CCSER1: variants seen among roughly 807,000 people sequenced by gnomAD.
CCSER1 encodes coiled-coil serine rich protein 1.
CCSER1 carries 41 observed loss-of-function variants against 82.0 expected under a neutral mutation model. The observed-to-expected ratio is 0.50, with a 90% confidence interval of 0.39 to 0.65. CCSER1 has a LOEUF of 0.65. CCSER1 is among the 30% of genes least tolerant of loss of function. The pLI, the probability that CCSER1 is intolerant of heterozygous loss-of-function variation, is 0.00. For missense variants in CCSER1, 1,119 were observed against 1,064.2 expected, an observed-to-expected ratio of 1.05 and a Z score of -0.72; for synonymous variants, 414 against 383.9, an observed-to-expected ratio of 1.08 and a Z score of -0.92.
chr4:90,893,776 CGT>C (rs35451218), intron 8 of CCSER1, among the ~76,000 whole-genome samples: 78 of 108,042 alleles, frequency 7.2e-4, no homozygotes, highest in Middle Eastern at 4.4e-3. Context: ...TGTGTGTGTG[CGT>C]GTGTGTGTGT....
intron 1 of CCSER1, among the ~76,000 whole-genome samples, chr4:90,252,073 T>G (rs1722498719): frequency 6.6e-6 from 1 of 151,920 alleles, no homozygotes; most frequent in Non-Finnish European, 1.5e-5. Flanking sequence ...TCTTTTTAAA[T>G]ACAGGTTGAG....
chr4:91,258,215 A>C (rs1403454186), intron 10 of CCSER1, among the ~76,000 whole-genome samples: 1 of 152,102 alleles, frequency 6.6e-6, no homozygotes, highest in Non-Finnish European at 1.5e-5. Context: ...TTTTTTCACA[A>C]TGTGAGAATC....
chr4:90,670,822 C>T lies in CCSER1; in HGVS notation c.1932+42590C>T, dbSNP rs927959742. ...ATTTAAAAAAAATACATGCCCTCCT[C>T]CTTTATCCAGGAAGAGGTCAAAATC... On this transcript the variant is annotated intron_variant, in intron 6 of 10. Coordinates refer to ENST00000509176, the MANE Select transcript of CCSER1 (RefSeq NM_001145065.2). Among the ~76,000 whole-genome samples, 9 of 152,084 alleles carry T rather than the reference C, an allele frequency of 5.9e-5. No individual in the cohort carries two copies. In the East Asian group the frequency reaches 1.7e-3, roughly 29 times the overall value.
intron 5 of CCSER1, among the ~76,000 whole-genome samples, chr4:90,582,137 C>A (rs967158679): frequency 2.6e-5 from 4 of 151,942 alleles, no homozygotes; most frequent in African/African-American, 9.7e-5. Flanking sequence ...TCTCCCACCC[C>A]CAAGAGCAAA....
rs182379784 is a variant in CCSER1, at chr4:91,277,273, C to T, written c.2217+191279C>T. The stretch of plus-strand genomic sequence containing the variant: ...CATTTCACCAGTGAAGCTATTGGAT[C>T]CTGACTTCATGAGACTGATGTATTC... On this transcript the variant is annotated intron_variant, in intron 10 of 10. Coordinates refer to ENST00000509176, the MANE Select transcript of CCSER1 (RefSeq NM_001145065.2). 1.8e-4 allele frequency among the ~76,000 whole-genome samples: 27 copies of T among 152,054 alleles called. 1 individual carries two copies. In the East Asian group the frequency reaches 3.7e-3, roughly 21 times the overall value.
chr4:91,521,108 C>T (rs1237164846), intron 10 of CCSER1, among the ~76,000 whole-genome samples: 2 of 152,246 alleles, frequency 1.3e-5, no homozygotes, highest in East Asian at 3.9e-4. Flanking sequence ...TTGTTCACTT[C>T]CCACTTATGA....
At chr4:90,962,031 T>G (rs968985806) in intron 9 of CCSER1, among the ~76,000 whole-genome samples, 7 of 152,140 alleles carry the variant, frequency 4.6e-5, no homozygotes, top group Admixed American at 2.0e-4. Flanking sequence ...TTTTTCTATG[T>G]TAATGAGAAT....
chr4:91,093,471 G>T (rs1458731230), intron 10 of CCSER1, among the ~76,000 whole-genome samples: 1 of 152,190 alleles, frequency 6.6e-6, no homozygotes, highest in African/African-American at 2.4e-5. Flanking sequence ...GTTAGCCCAT[G>T]GTGTCCTTTG....
chr4:90,242,381 G>T (rs193233521), intron 1 of CCSER1, among the ~76,000 whole-genome samples: 11 of 152,250 alleles, frequency 7.2e-5, no homozygotes, highest in African/African-American at 2.4e-4. Context: ...TATTCCCAAT[G>T]TTAAGGAACT....
intron 4 of CCSER1, among the ~76,000 whole-genome samples, chr4:90,447,049 GT>G (rs1760758404): frequency 2.6e-5 from 4 of 152,080 alleles, no homozygotes; most frequent in African/African-American, 9.7e-5. Flanking sequence ...TCAACAGTAG[GT>G]TATTAGTAGT....
chr4:91,036,030 G>A (rs1741403031), intron 9 of CCSER1, among the ~76,000 whole-genome samples: 1 of 152,212 alleles, frequency 6.6e-6, no homozygotes, highest in Non-Finnish European at 1.5e-5. Context: ...TCGGATGTGG[G>A]CAGGATGCCC....
chr4:90,534,820 C>A (rs1340096766), intron 5 of CCSER1, among the ~76,000 whole-genome samples: 1 of 152,120 alleles, frequency 6.6e-6, no homozygotes, highest in Non-Finnish European at 1.5e-5. Context: ...ATTTATTATA[C>A]ACACACTTAG....
chr4:91,578,596 A>G (rs1260815530), intron 10 of CCSER1, among the ~76,000 whole-genome samples: 1 of 151,978 alleles, frequency 6.6e-6, no homozygotes, highest in African/African-American at 2.4e-5. Flanking sequence ...AGGTTATAAC[A>G]TAAATTTAAT....
chr4:90,987,614 A>C (rs1736678760), intron 9 of CCSER1, among the ~76,000 whole-genome samples: 1 of 151,772 alleles, frequency 6.6e-6, no homozygotes, highest in Non-Finnish European at 1.5e-5. Flanking sequence ...GGAGGAAAAA[A>C]AATGAATTTT....
intron 6 of CCSER1, among the ~76,000 whole-genome samples, chr4:90,691,672 TG>T (rs1453647284): frequency 2.1e-5 from 3 of 143,638 alleles, no homozygotes; most frequent in Admixed American, 7.0e-5. Context: ...TATGTACGTG[TG>T]TATCTATGTG....
chr4:91,291,082 T>C (rs964075944), intron 10 of CCSER1, among the ~76,000 whole-genome samples: 2 of 151,462 alleles, frequency 1.3e-5, no homozygotes, highest in South Asian at 2.1e-4. Context: ...TATATTATTT[T>C]ATAAATATTT....
intron 8 of CCSER1, among the ~76,000 whole-genome samples, chr4:90,879,709 GAAGA>G: frequency 6.7e-6 from 1 of 149,778 alleles, no homozygotes; most frequent in South Asian, 2.1e-4. Flanking sequence ...GAGGAAGAAA[GAAGA>G]AAGAAGAACT....
At chr4:90,295,853 G>T (rs190406527) in intron 1 of CCSER1, among the ~76,000 whole-genome samples, 2 of 151,864 alleles carry the variant, frequency 1.3e-5, no homozygotes, top group Non-Finnish European at 2.9e-5. Flanking sequence ...CATCTTATTA[G>T]ACTTTCTTTC....
At chr4:91,315,998 T>C (rs1745803727) in intron 10 of CCSER1, among the ~76,000 whole-genome samples, 1 of 151,990 alleles carries the variant, frequency 6.6e-6, no homozygotes, top group Non-Finnish European at 1.5e-5. Flanking sequence ...GTGGGTTTTT[T>C]CCCATGCTGT....
Sources: gnomAD v4.1 joint callset for allele counts (sites outside exome capture counted in the v4.1 genomes callset) on GRCh38, gnomAD v4.1.1 for gene constraint, MANE v1.5 for transcripts, NCBI Gene and HGNC (gene_info 2026-07-23, HGNC 2026-07-21) for gene names.